Variants in AUH observed in about 807,000 individuals in gnomAD.
AUH encodes the protein AU RNA binding methylglutaconyl-CoA hydratase, also known as methylglutaconyl-CoA hydratase, mitochondrial.
Under a neutral mutation model 42.3 loss-of-function variants are expected in AUH, and 29 were observed. The observed-to-expected ratio is 0.69, with a 90% CI of 0.51 to 0.93. The LOEUF is 0.93. Ranked by LOEUF, AUH falls within the 40% of genes least tolerant of loss-of-function variation. The probability of loss-of-function intolerance (pLI) is 0.00; values close to 1 mark genes in which losing one functional copy is unlikely to be tolerated. For missense variants in AUH, 452 were observed against 438.1 expected (o/e 1.03, Z -0.28); for synonymous variants, 174 against 166.4 (o/e 1.05, Z -0.35).
intron 4 of AUH, among the ~76,000 whole-genome samples, chr9:91,314,437 C>T (rs1286800851): frequency 6.7e-6 from 1 of 149,060 alleles, no homozygotes; most frequent in Non-Finnish European, 1.5e-5. Flanking sequence ...CAGCTGAGAT[C>T]GCACCACTGC....
At chr9:91,311,134 G>A (rs1828670729) in intron 4 of AUH, among the ~76,000 whole-genome samples, 1 of 152,066 alleles carries the variant, frequency 6.6e-6, no homozygotes, top group Non-Finnish European at 1.5e-5. Context: ...GTATTTCAAA[G>A]AGAGAGCTTT....
At chr9:91,216,541 CCAAT>C (rs1400308793) in intron 8 of AUH, among the ~76,000 whole-genome samples, 1 of 151,836 alleles carries the variant, frequency 6.6e-6, no homozygotes, top group Admixed American at 6.6e-5. Context: ...TTTAAATAAA[CCAAT>C]CAAATACTTT....
intron 3 of AUH, among the ~76,000 whole-genome samples, chr9:91,348,939 A>G (rs1831741193): frequency 6.6e-6 from 1 of 152,206 alleles, no homozygotes; most frequent in Non-Finnish European, 1.5e-5. Flanking sequence ...AATATATGAC[A>G]ACAACAAAAA....
At chr9:91,330,768 C>T (rs947135066) in intron 3 of AUH, among the ~76,000 whole-genome samples, 2 of 152,266 alleles carry the variant, frequency 1.3e-5, no homozygotes, top group East Asian at 3.9e-4. Flanking sequence ...ATGGTACAGG[C>T]TGAATCCTGC....
chr9:91,220,651 T>C (rs1407708030), intron 7 of AUH, among the ~76,000 whole-genome samples, 154 bp downstream of exon 7: 11 of 152,250 alleles, frequency 7.2e-5, no homozygotes. Context: ...AGTGTTTATC[T>C]TGTGTAACTG....
intron 3 of AUH, chr9:91,343,330 A>C (rs1466535679): frequency 6.6e-6 from 1 of 152,238 alleles, no homozygotes; most frequent in African/African-American, 2.4e-5. Flanking sequence ...CAGAGAGAAG[A>C]AAATAATGAA....
chr9:91,268,466 T>C (rs1824833479), intron 6 of AUH, among the ~76,000 whole-genome samples: 1 of 152,104 alleles, frequency 6.6e-6, no homozygotes, highest in South Asian at 2.1e-4. Context: ...AGTCTCACTC[T>C]GCTGCCCAGG....
intron 3 of AUH, among the ~76,000 whole-genome samples, chr9:91,340,686 CATTTTT>C (rs2131973845): frequency 6.6e-6 from 1 of 152,228 alleles, no homozygotes; most frequent in South Asian, 2.1e-4. Context: ...AAAAAATGAA[CATTTTT>C]ATTTTTATGT....
At chr9:91,214,738 T>G (rs955206229) in intron 9 of AUH, among the ~76,000 whole-genome samples, 3 of 152,240 alleles carry the variant, frequency 2.0e-5, no homozygotes, top group Non-Finnish European at 2.9e-5. Flanking sequence ...CCACAAACTT[T>G]GAGAAGTTGT....
At chr9:91,231,416 C>T (rs1458500994) in intron 6 of AUH, among the ~76,000 whole-genome samples, 1 of 152,220 alleles carries the variant, frequency 6.6e-6, no homozygotes, top group Non-Finnish European at 1.5e-5. Flanking sequence ...CTTCGGCTCA[C>T]ACACGGTGCG....
chr9:91,245,209 C>A (rs1263979781), intron 6 of AUH, among the ~76,000 whole-genome samples: 1 of 152,106 alleles, frequency 6.6e-6, no homozygotes, highest in Non-Finnish European at 1.5e-5. Flanking sequence ...CAGGTGGGAA[C>A]TGGAACCACG....
At chr9:91,288,839 A>G (rs567673773) in intron 6 of AUH, among the ~76,000 whole-genome samples, 11 of 152,308 alleles carry the variant, frequency 7.2e-5, no homozygotes, top group African/African-American at 2.6e-4. Context: ...AAACTACATG[A>G]TAGCAGTGGT....
chr9:91,237,970 G>C (rs1195248418), intron 6 of AUH, among the ~76,000 whole-genome samples: 1 of 152,080 alleles, frequency 6.6e-6, no homozygotes, highest in Non-Finnish European at 1.5e-5. Flanking sequence ...AACAAATGAC[G>C]AGCACTGAGG....
intron 4 of AUH, 142 bp from the exon 5 acceptor site, chr9:91,298,218 A>T: frequency 1.5e-6 from 1 of 656,740 alleles, no homozygotes; most frequent in South Asian, 1.7e-5. Context: ...CTTTAACAAA[A>T]TATAAGCATT....
In AUH at chr9:91,307,900, A is replaced by C. The variant is rs570425870; in HGVS notation, c.506-9824T>G. Among the ~76,000 whole-genome samples, 3 of 152,190 alleles carry C rather than the reference A, an allele frequency of 2.0e-5. No individual in the cohort carries two copies. In the South Asian group the frequency reaches 6.2e-4, roughly 32 times the overall value. ...TAAGAAAAAAGGGTGGGAGAAGAGA[A>C]AGGTGGGAAGGAATAATTTAAAACA... On this transcript the variant is annotated intron_variant, in intron 4 of 9. Transcript: ENST00000375731.
chr9:91,360,219 A>G (rs1832745562), intron 1 of AUH: 1 of 152,168 alleles, frequency 6.6e-6, no homozygotes, highest in Admixed American at 6.5e-5. Context: ...CAATCCCTTT[A>G]TATCTAACAT....
chr9:91,247,174 TAC>T (rs1422068367), intron 6 of AUH, among the ~76,000 whole-genome samples: 1 of 152,206 alleles, frequency 6.6e-6, no homozygotes, highest in African/African-American at 2.4e-5. Context: ...CTCTCCTCCG[TAC>T]ACTGCATCAC....
chr9:91,235,990 T>C (rs956428383), intron 6 of AUH, among the ~76,000 whole-genome samples: 1 of 152,198 alleles, frequency 6.6e-6, no homozygotes, highest in South Asian at 2.1e-4. Context: ...CTGTGACTGC[T>C]TGTGATGCTA....
intron 1 of AUH, chr9:91,357,424 A>G: frequency 1.2e-6 from 1 of 862,842 alleles, no homozygotes. Flanking sequence ...TTTCCTCAGG[A>G]AGAAAATCAA....
Sources: gnomAD v4.1 joint callset for allele counts (sites outside exome capture counted in the v4.1 genomes callset) on GRCh38, gnomAD v4.1.1 for gene constraint, MANE v1.5 for transcripts, NCBI Gene and HGNC (gene_info 2026-07-23, HGNC 2026-07-21) for gene names.